The following SKA1 variants were observed in gnomAD, a reference collection of about 807,000 sequenced individuals.
The protein encoded by SKA1 is spindle and kinetochore associated complex subunit 1, also known as SKA complex subunit 1.
Under a neutral mutation model 31.8 loss-of-function variants are expected in SKA1, and 20 were observed. The ratio of observed to expected loss-of-function variants is 0.63; its 90% confidence interval spans 0.44 to 0.91. The LOEUF (loss-of-function observed/expected upper bound fraction) is 0.91, where lower values mean the gene tolerates loss of function less well. SKA1 is among the 40% of genes least tolerant of loss of function. The pLI is 0.00. For missense variants in SKA1, 253 were observed against 298.2 expected (o/e 0.85, Z 1.12); for synonymous variants, 88 against 100.5 (o/e 0.88, Z 0.74).
chr18:50,375,914 CTG>C lies in SKA1; in HGVS notation c.87_88del (p.Cys29TrpfsTer12). Reference protein sequence around the residue: ...NIKKTLSLRNCGQEPTLKTVL... With the variant: ...NIKKTLSLRNXGQEPTLKTVL... ...TTAAGAAAACCTTATCATTAAGAAA[CTG>C]TGGTAAGTAAAACAGATTCCACTGA... On this transcript the variant is annotated frameshift_variant and splice_region_variant, in exon 2 of 7. Transcript: ENST00000285116. LOFTEE classifies it high-confidence loss of function. The C allele has an allele frequency of 3.8e-6, 6 of 1,577,424 alleles. No homozygotes were observed. The highest frequency in any genetic ancestry group is 5.2e-6 in the Non-Finnish European group (6 of 1,150,724).
Position 50,382,200 on chromosome 18 carries a change from G to T in SKA1, c.285G>T (p.Leu95Phe). The part of the protein sequence containing the change: ...EHLKENVPSH[L>F]PQVTVTQSCV... ...TTAAAGAAAACGTTCCTTCCCATTT[G>T]CCTCAAGTAACAGTAACCCAGAGCT... The change falls in exon 4 of 7, where the codon TTG becomes TTT. Residue 95 changes from leucine (L) to phenylalanine (F), a missense_variant. Leu to Phe is a conservative substitution (Grantham distance 22). Transcript: ENST00000285116. The T allele has an allele frequency of 6.5e-7, 1 of 1,531,136 alleles. No homozygotes were observed. The highest frequency in any genetic ancestry group is 1.3e-5 in the South Asian group (1 of 77,906). 94.8% of individuals were successfully genotyped at this position (1,531,136 alleles called of 1,614,324 possible).
At chr18:50,377,515 ATGAACT>A (rs2041228739) in intron 2 of SKA1, among the ~76,000 whole-genome samples, 1 of 152,246 alleles carries the variant, frequency 6.6e-6, no homozygotes, top group Non-Finnish European at 1.5e-5. Context: ...TTAAGCATCC[ATGAACT>A]TGGAGATTTT....
At chr18:50,385,409 AAAT>A in intron 5 of SKA1, 56 bp downstream of exon 5, 1 of 1,399,694 alleles carries the variant, frequency 7.1e-7, no homozygotes, top group South Asian at 1.4e-5. Flanking sequence ...ATGATCGTTT[AAAT>A]AATAAAGCTT....
rs770282741 is a variant in SKA1, at chr18:50,392,234, A to T, written c.755A>T (p.Tyr252Phe). The change falls in exon 7 of 7, where the codon TAT (tyrosine) becomes TTT (phenylalanine). Residue 252 changes from tyrosine (Y) to phenylalanine (F), a missense_variant. Coordinates refer to ENST00000285116, the MANE Select transcript of SKA1 (RefSeq NM_145060.4). Reference protein sequence around the residue: ...SEVRGGGLTRYVIT With the variant: ...SEVRGGGLTRFVIT ...GTCCGAGGGGGAGGACTTACTCGTTATGTTATAACCTGAGTCCCTTGTGAA... is the reference window on the plus strand; with the variant it reads ...GTCCGAGGGGGAGGACTTACTCGTTTTGTTATAACCTGAGTCCCTTGTGAA... 6.3e-7 allele frequency: 1 copy of T among 1,591,324 alleles called. No individual in the cohort carries two copies.
intron 5 of SKA1, among the ~76,000 whole-genome samples, chr18:50,387,726 C>T (rs11659879): frequency 0.25 from 37,732 of 152,124 alleles, 5,540 homozygotes; most frequent in Non-Finnish European, 0.35. Context: ...TTTGATTCTT[C>T]TGTAGAATTT....
rs1206935380 is a variant in SKA1 at position 50,391,311 on chromosome 18, ATG to A, written c.619+24_619+25del. ...TACCAAAGGTAAAATGGCAGCATAT[ATG>A]TGTGTACATGTGAACTGTTCAGAGT... is the stretch of plus-strand genomic sequence containing the variant. On this transcript the variant is annotated intron_variant, in intron 6 of 6. Coordinates refer to ENST00000285116, the MANE Select transcript of SKA1 (RefSeq NM_145060.4). 31 of 1,556,820 alleles carry A rather than the reference ATG, an allele frequency of 2.0e-5. No homozygotes were observed. The highest frequency in any genetic ancestry group is 2.6e-5 in the Non-Finnish European group (30 of 1,157,360).
chr18:50,376,400 T>C (rs563221466), intron 2 of SKA1, among the ~76,000 whole-genome samples: 2 of 152,356 alleles, frequency 1.3e-5, no homozygotes, highest in South Asian at 4.1e-4. Flanking sequence ...CCGTATAGCA[T>C]GTGACTGTAC....
At chr18:50,379,356 A>T (rs1480961321) in intron 2 of SKA1, among the ~76,000 whole-genome samples, 2 of 151,992 alleles carry the variant, frequency 1.3e-5, no homozygotes, top group Admixed American at 1.3e-4. Flanking sequence ...GTGACTTTTT[A>T]TGTTACTTTG....
In SKA1 at chr18:50,382,158, CA is replaced by C. The variant is rs769587952; in HGVS notation, c.246del (p.Asp83ThrfsTer2). On this transcript the variant is annotated frameshift_variant, in exon 4 of 7. Coordinates refer to ENST00000285116, the MANE Select transcript of SKA1 (RefSeq NM_145060.4). LOFTEE classifies it high-confidence loss of function. ...ELCESLEEDYKDIEHLKENVP... is the reference protein window; with the variant it reads ...ELCESLEEDYXDIEHLKENVP... ...TCTGTGAATCTCTTGAAGAAGATTA[CA>C]AAGACATAGAACATCTTAAAGAAAA... The C allele has an allele frequency of 6.5e-6, 10 of 1,544,510 alleles. No homozygotes were observed. The highest frequency in any genetic ancestry group is 7.8e-6 in the Non-Finnish European group (9 of 1,154,408).
rs1171534934 is a variant in SKA1, at chr18:50,391,148, TA to T, written c.476del (p.Asn159IlefsTer14). 14 of 1,565,322 alleles carry T rather than the reference TA, an allele frequency of 8.9e-6. No individual in the cohort carries two copies. Among genetic ancestry groups the T allele is most frequent in the Non-Finnish European group, 1.2e-5 (14 of 1,155,012 alleles). ...PSYMKSRLTY[N>X]QINDVIKEIN... The stretch of plus-strand genomic sequence containing the variant: ...GGTACATGAAATCCCGCTTAACCTA[TA>T]ATCAAATTAATGATGTTATTAAAGA... On this transcript the variant is annotated frameshift_variant, in exon 6 of 7. Transcript: ENST00000285116. LOFTEE classifies it high-confidence loss of function.
At position 50,390,108 on chromosome 18, in the gene SKA1, A is replaced by G. The variant is rs151213288; in HGVS notation, c.450-1016A>G. ...TAGTTGAGAAGATTTGAAGGAATAC[A>G]TAAGTGCATTGTGGAGAGCTGGGGT... On this transcript the variant is annotated intron_variant, in intron 5 of 6. Transcript: ENST00000285116. 6.6e-5 allele frequency among the ~76,000 whole-genome samples: 10 copies of G among 152,220 alleles called. No homozygotes were observed. The East Asian group carries it at 1.7e-3, about 26-fold the overall frequency.
intron 6 of SKA1, 92 bp downstream of exon 6, chr18:50,391,385 C>A: frequency 8.2e-7 from 1 of 1,216,198 alleles, no homozygotes; most frequent in Non-Finnish European, 1.1e-6. Context: ...AATTCTAAAT[C>A]TAGAGTGTTA....
intron 2 of SKA1, 32 bp from the exon 3 acceptor site, chr18:50,380,090 ACACT>A (rs2041251493): frequency 6.8e-7 from 1 of 1,463,624 alleles, no homozygotes; most frequent in Non-Finnish European, 9.0e-7. Flanking sequence ...GCTTTTCTAT[ACACT>A]TTGTTTTCTA....
At chr18:50,388,752 T>C (rs2041331374) in intron 5 of SKA1, among the ~76,000 whole-genome samples, 1 of 152,170 alleles carries the variant, frequency 6.6e-6, no homozygotes, top group Non-Finnish European at 1.5e-5. Flanking sequence ...CCTTGGCCTA[T>C]TTCAAAATAA....
Position 50,375,901 on chromosome 18 carries a change from TATC to T in SKA1, c.74_76del (p.Ser25del). The stretch of plus-strand genomic sequence containing the variant: ...AAGATTGGCAATATTAAGAAAACCT[TATC>T]ATTAAGAAACTGTGGTAAGTAAAAC... On this transcript the variant is annotated inframe_deletion, in exon 2 of 7. Coordinates refer to ENST00000285116, the MANE Select transcript of SKA1 (RefSeq NM_145060.4). 6.2e-7 allele frequency: 1 copy of T among 1,602,056 alleles called. No homozygotes were observed. Among genetic ancestry groups the T allele is most frequent in the South Asian group, 1.1e-5 (1 of 89,842 alleles).
intron 2 of SKA1, among the ~76,000 whole-genome samples, chr18:50,379,597 A>T (rs1417475766): frequency 6.6e-6 from 1 of 152,154 alleles, no homozygotes; most frequent in Non-Finnish European, 1.5e-5. Context: ...CTCACTTCCA[A>T]CACCCTGTGT....
rs1391997095 is a variant in SKA1, at chr18:50,393,505, G to A, written c.*1258G>A. On this transcript the variant is annotated 3_prime_UTR_variant, in exon 7 of 7. Transcript: ENST00000285116. ...TTTATCATCTGATTATTGGGCTTTC[G>A]TATAGGTCCTTAGGGAGCAGCTTAC... 6 of 152,278 alleles carry A rather than the reference G, an allele frequency of 3.9e-5. No homozygotes were observed. The highest frequency in any genetic ancestry group is 1.4e-4 in the African/African-American group (6 of 41,556). The allele number at this position is 152,278 out of a possible 1,614,324, so 9.4% of individuals were successfully genotyped here.
rs2041376780 is a variant in SKA1 at position 50,393,431 on chromosome 18, G to A, written c.*1184G>A. Reference sequence around the variant, plus strand: ...TCACTAGTGTCTAAATTCCATCGATGGCATTTCAGTCTATAGGTAAACTTC... The same window carrying A: ...TCACTAGTGTCTAAATTCCATCGATAGCATTTCAGTCTATAGGTAAACTTC... On this transcript the variant is annotated 3_prime_UTR_variant, in exon 7 of 7. Coordinates refer to ENST00000285116, the MANE Select transcript of SKA1 (RefSeq NM_145060.4). 6.6e-6 allele frequency: 1 copy of A among 152,170 alleles called. No individual in the cohort carries two copies. The highest frequency in any genetic ancestry group is 6.5e-5 in the Admixed American group (1 of 15,278). The allele number at this position is 152,170 out of a possible 1,614,324, so 9.4% of individuals were successfully genotyped here.
At chr18:50,387,494 T>A (rs963585202) in intron 5 of SKA1, among the ~76,000 whole-genome samples, 2 of 152,256 alleles carry the variant, frequency 1.3e-5, no homozygotes, top group African/African-American at 4.8e-5. Flanking sequence ...GTAGTCTCAT[T>A]ACCTGTATGT....
Sources: allele counts gnomAD v4.1 joint callset (sites outside exome capture counted in the v4.1 genomes callset), GRCh38; gene constraint gnomAD v4.1.1; transcripts MANE v1.5; gene names NCBI Gene and HGNC (gene_info 2026-07-23, HGNC 2026-07-21).